The following SOS2 variants were observed in gnomAD, a reference collection of about 807,000 sequenced individuals.
SOS2 encodes son of sevenless homolog 2.
Under a neutral mutation model 148.2 loss-of-function variants are expected in SOS2, and 65 were observed. That is an observed-to-expected ratio of 0.44 (90% confidence interval 0.36 to 0.54). SOS2 has a LOEUF of 0.54. Among genes scored for constraint, SOS2 ranks in the 20% least tolerant of loss-of-function variants. SOS2 has a pLI of 0.00. For missense variants in SOS2, 1,341 were observed against 1,590.2 expected, an observed-to-expected ratio of 0.84 and a Z score of 2.67; for synonymous variants, 539 against 537.1, an observed-to-expected ratio of 1.00 and a Z score of -0.05.
intron 7 of SOS2, among the ~76,000 whole-genome samples, chr14:50,178,727 C>CATAT (rs367720206): frequency 0.019 from 96 of 4,976 alleles, 4 homozygotes; most frequent in East Asian, 0.14. Flanking sequence ...CATATACACA[C>CATAT]ACATATATAT....
rs552852708 is a variant in SOS2 at position 50,182,404 on chromosome 14, A to G, written c.858+59T>C. ...ACTATGTTGCCAAGACTCATCTCTAAGTTTCTTACTACAGCATTTAGGGCT... is the reference window on the plus strand; with the variant it reads ...ACTATGTTGCCAAGACTCATCTCTAGGTTTCTTACTACAGCATTTAGGGCT... On this transcript the variant is annotated intron_variant, in intron 6 of 22. Transcript: ENST00000216373. 8.0e-6 allele frequency: 12 copies of G among 1,491,020 alleles called. 1 individual carries two copies. In the South Asian group the frequency reaches 1.2e-4, roughly 14 times the overall value. 92.4% of individuals were successfully genotyped at this position (1,491,020 alleles called of 1,614,324 possible).
intron 21 of SOS2, among the ~76,000 whole-genome samples, chr14:50,126,491 G>A (rs1010527756): frequency 4.6e-5 from 7 of 151,728 alleles, no homozygotes; most frequent in South Asian, 2.1e-4. Context: ...ATTATCTGTC[G>A]ATTAAAAATA....
At chr14:50,190,725 A>G (rs1886101786) in intron 4 of SOS2, among the ~76,000 whole-genome samples, 1 of 152,170 alleles carries the variant, frequency 6.6e-6, no homozygotes, top group Non-Finnish European at 1.5e-5. Flanking sequence ...ATTTAACTCC[A>G]ACCCACCTTC....
intron 1 of SOS2, among the ~76,000 whole-genome samples, chr14:50,224,350 CACACACACACACACAT>C (rs1887298494): frequency 6.8e-6 from 1 of 147,088 alleles, no homozygotes; most frequent in Non-Finnish European, 1.5e-5. Flanking sequence ...CACACACACA[CACACACACACACACAT>C]ATATATAAAT....
intron 14 of SOS2, among the ~76,000 whole-genome samples, chr14:50,147,565 A>G (rs952021540): frequency 2.3e-4 from 35 of 151,788 alleles, no homozygotes; most frequent in Middle Eastern, 3.4e-3. Flanking sequence ...GTTGTTTATG[A>G]ATCTCCGTGT....
intron 1 of SOS2, among the ~76,000 whole-genome samples, chr14:50,220,405 C>CGAAAAAAAAAAAA (rs779813155): frequency 3.0e-4 from 9 of 30,440 alleles, no homozygotes; most frequent in African/African-American, 1.3e-3. Context: ...GACTCCATCT[C>CGAAAAAAAAAAAA]AAAAAAAAAA....
At chr14:50,133,735 G>A (rs1221821594) in intron 19 of SOS2, among the ~76,000 whole-genome samples, 2 of 152,180 alleles carry the variant, frequency 1.3e-5, no homozygotes, top group Non-Finnish European at 2.9e-5. Flanking sequence ...GGGTTCCAGA[G>A]GCAACTATGG....
intron 7 of SOS2, among the ~76,000 whole-genome samples, chr14:50,179,128 T>C (rs980797867): frequency 5.9e-5 from 9 of 152,164 alleles, no homozygotes; most frequent in African/African-American, 2.2e-4. Flanking sequence ...GATTTGGCAA[T>C]TAAGTTACTT....
chr14:50,194,342 AAAT>A (rs1394738522), intron 4 of SOS2, among the ~76,000 whole-genome samples: 1 of 152,148 alleles, frequency 6.6e-6, no homozygotes, highest in Non-Finnish European at 1.5e-5. Context: ...ATAAAATGTG[AAAT>A]AATAGCTAAC....
intron 16 of SOS2, among the ~76,000 whole-genome samples, chr14:50,143,671 A>T (rs1450344962): frequency 1.3e-5 from 2 of 151,956 alleles, no homozygotes; most frequent in Non-Finnish European, 2.9e-5. Flanking sequence ...CGAACTCCTG[A>T]CCTCAGGTGA....
At chr14:50,168,221 C>T (rs1566835082) in intron 8 of SOS2, among the ~76,000 whole-genome samples, 1 of 152,100 alleles carries the variant, frequency 6.6e-6, no homozygotes, top group Non-Finnish European at 1.5e-5. Flanking sequence ...TAAAAAAGGA[C>T]AGACATAGAT....
chr14:50,168,147 T>C (rs142063174), intron 8 of SOS2, among the ~76,000 whole-genome samples: 1 of 152,188 alleles, frequency 6.6e-6, no homozygotes, highest in Non-Finnish European at 1.5e-5. Flanking sequence ...GTTAGGAGAG[T>C]AAGAGAACAT....
chr14:50,158,533 G>A, intron 11 of SOS2, 32 bp downstream of exon 11: 2 of 1,310,682 alleles, frequency 1.5e-6, no homozygotes, highest in Non-Finnish European at 2.2e-6. Context: ...TTCACAAAAT[G>A]TCAATATAAC....
At position 50,204,091 on chromosome 14, in the gene SOS2, G is replaced by GT. The variant is rs374242702; in HGVS notation, c.213+192dup. On this transcript the variant is annotated intron_variant, in intron 2 of 22. Transcript: ENST00000216373. ...TCATAAATGTACCCAGTTGTTCTAA[G>GT]TTTTTTTTTTTCTGAAAAACTTGCC... is the stretch of plus-strand genomic sequence containing the variant. Among the ~76,000 whole-genome samples, 185 of 146,578 alleles carry GT rather than the reference G, an allele frequency of 1.3e-3. No homozygotes were observed. In the East Asian group the frequency reaches 0.013, roughly 10 times the overall value.
intron 8 of SOS2, among the ~76,000 whole-genome samples, chr14:50,169,772 C>T (rs1309560326): frequency 7.2e-5 from 11 of 151,878 alleles, no homozygotes; most frequent in Non-Finnish European, 1.2e-4. Flanking sequence ...TATATTGTTA[C>T]ATATATATAG....
chr14:50,174,326 AT>A, intron 8 of SOS2, 127 bp downstream of exon 8: 1 of 340,376 alleles, frequency 2.9e-6, no homozygotes, highest in Non-Finnish European at 4.9e-6. Flanking sequence ...AATGTTACAT[AT>A]AAAAATTATT....
intron 8 of SOS2, among the ~76,000 whole-genome samples, chr14:50,172,415 A>ACTTTTTTTTTT (rs1885392060): frequency 4.6e-5 from 1 of 21,524 alleles, no homozygotes; most frequent in Non-Finnish European, 8.9e-5. Context: ...CTCTTTATTC[A>ACTTTTTTTTTT]TTCCTTTTTT....
chr14:50,221,486 A>C (rs2139855564), intron 1 of SOS2, among the ~76,000 whole-genome samples: 1 of 152,314 alleles, frequency 6.6e-6, no homozygotes, highest in Non-Finnish European at 1.5e-5. Flanking sequence ...CAGATCTCTC[A>C]CTTATCTTGA....
At chr14:50,154,638 G>T (rs1291688447) in intron 12 of SOS2, among the ~76,000 whole-genome samples, 1 of 152,046 alleles carries the variant, frequency 6.6e-6, no homozygotes, top group Admixed American at 6.6e-5. Flanking sequence ...ACACAACCTC[G>T]CAATAAAATA....
Sources: gnomAD v4.1 joint callset for allele counts (sites outside exome capture counted in the v4.1 genomes callset) on GRCh38, gnomAD v4.1.1 for gene constraint, MANE v1.5 for transcripts, NCBI Gene and HGNC (gene_info 2026-07-23, HGNC 2026-07-21) for gene names.